Variants in DST observed in about 807,000 individuals in gnomAD.
The protein encoded by DST is dystonin, also known as bullous pemphigoid antigen.
A neutral mutation model predicts 875.2 loss-of-function variants in DST; 253 were observed. That is an observed-to-expected ratio of 0.29 (90% CI 0.26 to 0.32). The LOEUF (loss-of-function observed/expected upper bound fraction) is 0.32, where lower values mean the gene tolerates loss of function less well. Among genes scored for constraint, DST ranks in the 10% least tolerant of loss-of-function variants. The probability of loss-of-function intolerance (pLI) is 1.00; values close to 1 mark genes in which losing one functional copy is unlikely to be tolerated. For missense variants in DST, 8,287 were observed against 9,111.6 expected (o/e 0.91, Z 3.68); for synonymous variants, 3,124 against 3,197.1 (o/e 0.98, Z 0.77).
intron 4 of DST, among the ~76,000 whole-genome samples, chr6:56,767,919 C>T (rs531475188): frequency 6.6e-6 from 1 of 152,132 alleles, no homozygotes; most frequent in African/African-American, 2.4e-5. Flanking sequence ...ACAGGATATG[C>T]CTGGTGTACT....
intron 4 of DST, among the ~76,000 whole-genome samples, chr6:56,826,587 C>T (rs751997311): frequency 1.3e-5 from 2 of 152,098 alleles, no homozygotes; most frequent in Non-Finnish European, 2.9e-5. Flanking sequence ...TACAAGAAAG[C>T]CAAACACATA....
At position 56,634,788 on chromosome 6, in the gene DST, G is replaced by A. The variant is rs763787262; in HGVS notation, c.3339+13C>T. ...ATGACAGAAACTGGTCTGTTTCTAGGAGTTACAAGTACCTCAATTTGTCTG... is the reference window on the plus strand; with the variant it reads ...ATGACAGAAACTGGTCTGTTTCTAGAAGTTACAAGTACCTCAATTTGTCTG... On this transcript the variant is annotated intron_variant, in intron 25 of 103. Transcript: ENST00000680361. The A allele has an allele frequency of 6.2e-7, 1 of 1,613,468 alleles. No homozygotes were observed. Among genetic ancestry groups the A allele is most frequent in the Non-Finnish European group, 8.5e-7 (1 of 1,179,550 alleles).
chr6:56,715,923 C>G (rs2099393146), intron 5 of DST, among the ~76,000 whole-genome samples: 1 of 152,164 alleles, frequency 6.6e-6, no homozygotes, highest in Non-Finnish European at 1.5e-5. Context: ...GAAGAGGGTA[C>G]ATAAGCCCTA....
rs373546899 is a variant in DST at position 56,493,029 on chromosome 6, T to C, written c.20455A>G (p.Ile6819Val). Residue 6819 changes from isoleucine to valine, a missense_variant, in exon 84 of 104, where the codon ATC becomes GTC. Around this residue, in one of 10 missense-constraint regions of DST, gnomAD observed 1,292 missense variants for 1,552.7 expected, o/e 0.83. Transcript: ENST00000680361. ...TGTTCAGCCTGAGTAAGCCAGTTGA[T>C]GAAGTCTTGGAGAGAATTGTGGAAC... ...MEFHNSLQDFINWLTQAEQTL... is the reference protein window; with the variant it reads ...MEFHNSLQDFVNWLTQAEQTL... 7 of 1,613,076 alleles carry C rather than the reference T, an allele frequency of 4.3e-6. No individual in the cohort carries two copies. The highest frequency in any genetic ancestry group is 5.9e-6 in the Non-Finnish European group (7 of 1,179,480).
intron 3 of DST, among the ~76,000 whole-genome samples, chr6:56,872,451 G>C (rs1777645818): frequency 6.6e-6 from 1 of 152,146 alleles, no homozygotes; most frequent in Non-Finnish European, 1.5e-5. Flanking sequence ...GAGCCCAGGA[G>C]TTTGAGGCTG....
In DST at chr6:56,593,724, T is replaced by C. The variant is rs767667932; in HGVS notation, c.12665A>G (p.His4222Arg). The C allele has an allele frequency of 1.1e-5, 17 of 1,613,634 alleles. No homozygotes were observed. Among genetic ancestry groups the C allele is most frequent in the Non-Finnish European group, 1.3e-5 (15 of 1,179,748 alleles). Residue 4222 changes from histidine (H) to arginine (R), a missense_variant, in exon 48 of 104, where the codon CAC becomes CGC. This residue lies in a region of DST where 1,513 missense variants were observed against 1,677.8 expected (regional missense o/e 0.90). Transcript: ENST00000680361. ...ATCCAACTTGCGCTGCACTTCTCTG[T>C]GGGTTGCAGAAGTATCAACCTTGCC... ...DGGKVDTSAT[H>R]REVQRKLDHA...
chr6:56,472,251 G>C, intron 93 of DST, 29 bp from the exon 94 acceptor site: 1 of 1,606,218 alleles, frequency 6.2e-7, no homozygotes, highest in Non-Finnish European at 8.5e-7. Flanking sequence ...GGTTAGGATG[G>C]CAGTTTCCAG....
chr6:56,867,766 G>C (rs1774938309), intron 3 of DST, among the ~76,000 whole-genome samples: 1 of 152,082 alleles, frequency 6.6e-6, no homozygotes, highest in African/African-American at 2.4e-5. Flanking sequence ...CCGGGTGGCA[G>C]AGGATGCAGT....
At position 56,497,518 on chromosome 6, in the gene DST, AG is replaced by A; in HGVS notation, c.20095-12del. 1 of 1,611,698 alleles carries A rather than the reference AG, an allele frequency of 6.2e-7. No individual in the cohort carries two copies. The highest frequency in any genetic ancestry group is 1.3e-5 in the African/African-American group (1 of 74,968). On this transcript the variant is annotated splice_polypyrimidine_tract_variant and intron_variant, in intron 81 of 103. Coordinates refer to ENST00000680361, the MANE Select transcript of DST (RefSeq NM_001374736.1). Reference sequence around the variant, plus strand: ...ATGGAACCCTTTGGCCTGAAGTAATAGGCAGTTTTAAGTTGGGGCCATAAAC... The same window carrying A: ...ATGGAACCCTTTGGCCTGAAGTAATAGCAGTTTTAAGTTGGGGCCATAAAC...
In DST at chr6:56,606,412, T is replaced by A. The variant is rs774520679; in HGVS notation, c.8216A>T (p.Asp2739Val). 6.2e-7 allele frequency: 1 copy of A among 1,613,256 alleles called. No homozygotes were observed. Among genetic ancestry groups the A allele is most frequent in the African/African-American group, 1.3e-5 (1 of 74,860 alleles). The change falls in exon 40 of 104, where the codon GAC becomes GTC. Residue 2739 changes from aspartate to valine, a missense_variant. This residue lies in a region of DST where 3,138 missense variants were observed against 3,116.6 expected (regional missense o/e 1.01). Transcript: ENST00000680361. ...CTNILEGDES[D>V]SLTDYDIVGG... is the part of the protein sequence containing the mutation. ...TACAATATCATAATCAGTCAATGAGTCAGATTCATCACCTTCAAGGATATT... is the reference window on the plus strand; with the variant it reads ...TACAATATCATAATCAGTCAATGAGACAGATTCATCACCTTCAAGGATATT...
chr6:56,599,935 C>A, intron 45 of DST, 134 bp downstream of exon 45: 2 of 713,564 alleles, frequency 2.8e-6, no homozygotes, highest in South Asian at 3.0e-5. Flanking sequence ...AGCTCAAGCC[C>A]AGGGCGTCTT....
Position 56,604,658 on chromosome 6 carries a change from C to T in DST, c.9970G>A (p.Glu3324Lys). ...LEINNKKERIEQQLPKEQALS... is the reference protein window; with the variant it reads ...LEINNKKERIKQQLPKEQALS... ...GCTTGTTCTTTTGGTAGCTGTTGCTCAATTCTTTCTTTCTTATTATTAATT... is the reference window on the plus strand; with the variant it reads ...GCTTGTTCTTTTGGTAGCTGTTGCTTAATTCTTTCTTTCTTATTATTAATT... The change falls in exon 40 of 104, where the codon GAG (glutamate) becomes AAG (lysine). Residue 3324 changes from glutamate (E) to lysine (K), a missense_variant. Coordinates refer to ENST00000680361, the MANE Select transcript of DST (RefSeq NM_001374736.1). The T allele has an allele frequency of 6.2e-7, 1 of 1,612,282 alleles. No homozygotes were observed. The highest frequency in any genetic ancestry group is 8.5e-7 in the Non-Finnish European group (1 of 1,179,008).
chr6:56,647,755 G>A (rs1467214470), intron 13 of DST, among the ~76,000 whole-genome samples: 1 of 150,142 alleles, frequency 6.7e-6, no homozygotes, highest in Non-Finnish European at 1.5e-5. Context: ...ATGCGATCTC[G>A]GCTTACTGCA....
intron 4 of DST, among the ~76,000 whole-genome samples, chr6:56,848,725 A>G (rs916032921): frequency 5.9e-5 from 9 of 152,198 alleles, no homozygotes; most frequent in African/African-American, 2.2e-4. Flanking sequence ...AAGCTAATTT[A>G]CCAATATTTA....
chr6:56,640,363 C>T lies in DST; in HGVS notation c.2270G>A (p.Arg757His), dbSNP rs765317346. 42 of 1,613,984 alleles carry T rather than the reference C, an allele frequency of 2.6e-5. No homozygotes were observed. Among genetic ancestry groups the T allele is most frequent in the Non-Finnish European group, 3.3e-5 (39 of 1,180,016 alleles). Residue 757 changes from arginine to histidine, a missense_variant, in exon 18 of 104, where the codon CGC becomes CAC. By Grantham distance (29) the Arg-to-His change is conservative (BLOSUM62 0). This residue lies in a region of DST where 1,160 missense variants were observed against 1,424.3 expected (regional missense o/e 0.81). Transcript: ENST00000680361. ...AGCTGGAGTGACAGATGGAGTCAGG[C>T]GGGAAGTCATCCCTGATGACAGGCC... is the stretch of plus-strand genomic sequence containing the variant. ...TSGLSSGMTS[R>H]LTPSVTPAYT...
intron 5 of DST, among the ~76,000 whole-genome samples, chr6:56,729,976 T>C (rs941380017): frequency 6.6e-6 from 1 of 152,166 alleles, no homozygotes; most frequent in Non-Finnish European, 1.5e-5. Flanking sequence ...ACAGAGTGTG[T>C]CCAACAATGG....
intron 2 of DST, among the ~76,000 whole-genome samples, chr6:56,928,987 A>T (rs1808690576): frequency 6.6e-6 from 1 of 152,190 alleles, no homozygotes; most frequent in Non-Finnish European, 1.5e-5. Context: ...TAAAATTCAC[A>T]TTTAACATGT....
intron 64 of DST, among the ~76,000 whole-genome samples, chr6:56,530,558 A>G (rs887309883): frequency 4.6e-5 from 7 of 152,284 alleles, no homozygotes; most frequent in African/African-American, 1.4e-4. Flanking sequence ...TCTTAATCAA[A>G]TGGTCAAAAC....
intron 5 of DST, among the ~76,000 whole-genome samples, chr6:56,709,198 T>C (rs2099352748): frequency 6.6e-6 from 1 of 152,184 alleles, no homozygotes; most frequent in African/African-American, 2.4e-5. Context: ...AGTTTACCTC[T>C]AGGGGGCACT....
Sources: gnomAD v4.1 joint callset for allele counts (sites outside exome capture counted in the v4.1 genomes callset) on GRCh38, gnomAD v4.1.1 for gene constraint, gnomAD v4.1.1 regional missense constraint, MANE v1.5 for transcripts, NCBI Gene and HGNC (gene_info 2026-07-23, HGNC 2026-07-21) for gene names.